KIDINS220: variants seen among roughly 807,000 people sequenced by gnomAD.
KIDINS220 encodes kinase D-interacting substrate of 220 kDa.
A neutral mutation model predicts 157.6 loss-of-function variants in KIDINS220; 63 were observed. The observed-to-expected ratio is 0.40, with a 90% CI of 0.33 to 0.49. The LOEUF (loss-of-function observed/expected upper bound fraction) is 0.49, where lower values mean the gene tolerates loss of function less well. KIDINS220 is among the 20% of genes least tolerant of loss of function. The pLI, the probability that KIDINS220 is intolerant of heterozygous loss-of-function variation, is 0.66. For synonymous variants in KIDINS220, 732 were observed against 783.6 expected, an observed-to-expected ratio of 0.93 and a Z score of 1.10; for missense variants, 1,772 against 2,171.2, an observed-to-expected ratio of 0.82 and a Z score of 3.65.
At chr2:8,791,642 C>T (rs1352174895) in intron 12 of KIDINS220, among the ~76,000 whole-genome samples, 1 of 151,790 alleles carries the variant, frequency 6.6e-6, no homozygotes. Context: ...ATTTTAGAAT[C>T]GATAAAATAT....
In KIDINS220 at chr2:8,730,744, T is replaced by C. The variant is rs767013757; in HGVS notation, c.5292A>G (p.Gly1764=). 6.2e-7 allele frequency: 1 copy of C among 1,613,728 alleles called. No homozygotes were observed. The highest frequency in any genetic ancestry group is 1.1e-5 in the South Asian group (1 of 91,022). Residue 1764 remains glycine, a synonymous_variant, in exon 30 of 30, where the codon GGA becomes GGG. Transcript: ENST00000256707. ...AAASSESTGF[G]EERESIL Reference sequence around the variant, plus strand: ...CTCAAAGAATGCTTTCTCTTTCTTCTCCAAAGCCTGTGCTCTCAGAAGAGG... The same window carrying C: ...CTCAAAGAATGCTTTCTCTTTCTTCCCCAAAGCCTGTGCTCTCAGAAGAGG...
intron 17 of KIDINS220, among the ~76,000 whole-genome samples, chr2:8,781,158 ATAT>A (rs1241879102): frequency 2.9e-5 from 4 of 137,228 alleles, no homozygotes; most frequent in African/African-American, 1.1e-4. Flanking sequence ...TATATAATAT[ATAT>A]ATATTAAAGG....
chr2:8,837,493 C>A lies in KIDINS220; in HGVS notation c.-50G>T, dbSNP rs943277598. Reference sequence around the variant, plus strand: ...CGGTCTCCCAACCTGGTCCTCAGCTCCGGCGGAACGGGCCCGCTCGGCTGC... The same window carrying A: ...CGGTCTCCCAACCTGGTCCTCAGCTACGGCGGAACGGGCCCGCTCGGCTGC... On this transcript the variant is annotated 5_prime_UTR_variant, in exon 1 of 30. Transcript: ENST00000256707. 2.2e-4 allele frequency: 34 copies of A among 152,444 alleles called. No homozygotes were observed. The highest frequency in any genetic ancestry group is 8.2e-4 in the African/African-American group (34 of 41,592). The allele number at this position is 152,444 out of a possible 1,614,324, so 9.4% of individuals were successfully genotyped here. A position where few individuals can be genotyped will look rare whatever the true frequency, so the allele number is the denominator to read the frequency against.
Position 8,806,539 on chromosome 2 carries a change from C to CCCATCTA in KIDINS220, c.505-171_505-170insTAGATGG, listed in dbSNP as rs546770431. On this transcript the variant is annotated intron_variant, in intron 6 of 29. Transcript: ENST00000256707. ...ATCCTATTTCTCCCATTTTATTTCT[C>CCCATCTA]CTGAGTAGATTAACCAGTCCATGAA... 1.9e-4 allele frequency among the ~76,000 whole-genome samples: 29 copies of CCCATCTA among 152,246 alleles called. 3 individuals carry two copies. Among genetic ancestry groups the CCCATCTA allele is most frequent in the African/African-American group, 7.0e-4 (29 of 41,540 alleles).
chr2:8,815,396 CA>C (rs70946387), intron 4 of KIDINS220, among the ~76,000 whole-genome samples: 168 of 116,488 alleles, frequency 1.4e-3, no homozygotes, highest in Admixed American at 1.8e-3. Flanking sequence ...GACCCTGTCT[CA>C]AAAAAAAAAA....
At chr2:8,787,181 T>C (rs1001966338) in intron 15 of KIDINS220, among the ~76,000 whole-genome samples, 1 of 152,142 alleles carries the variant, frequency 6.6e-6, no homozygotes, top group Non-Finnish European at 1.5e-5. Context: ...ATTATTTTAT[T>C]CTGTTTTCCT....
At chr2:8,751,384 G>A (rs1558343607) in intron 23 of KIDINS220, 82 bp downstream of exon 23, 2 of 1,211,854 alleles carry the variant, frequency 1.7e-6, no homozygotes, top group Non-Finnish European at 1.2e-6. Flanking sequence ...CATAGAGCAG[G>A]AGAAATGTAC....
rs780676210 is a variant in KIDINS220 at position 8,770,792 on chromosome 2, G to A, written c.2889C>T (p.Asp963=). 3 of 1,611,282 alleles carry A rather than the reference G, an allele frequency of 1.9e-6. No homozygotes were observed. Among genetic ancestry groups the A allele is most frequent in the Non-Finnish European group, 2.5e-6 (3 of 1,178,640 alleles). Residue 963 remains aspartate (D), a synonymous_variant, in exon 22 of 30, where the codon GAC becomes GAT. Coordinates refer to ENST00000256707, the MANE Select transcript of KIDINS220 (RefSeq NM_020738.4). ...LRANQISFNW[D]RLASWINLTE... ...TAAGGTTGATCCAGCTAGCAAGCCT[G>A]TCCCAGTTGAAACTAATCTGATTGG... is the stretch of plus-strand genomic sequence containing the variant.
At chr2:8,836,167 C>T (rs1353218499) in intron 1 of KIDINS220, among the ~76,000 whole-genome samples, 3 of 151,968 alleles carry the variant, frequency 2.0e-5, no homozygotes, top group African/African-American at 7.3e-5. Flanking sequence ...TGACCAGATG[C>T]CCAGCATAGG....
In KIDINS220 at chr2:8,772,472, TCGAAAAAAAA is replaced by T. The variant is rs796522866; in HGVS notation, c.2849-1650_2849-1641del. Among the ~76,000 whole-genome samples the T allele has an allele frequency of 1.5e-4, 22 of 149,108 alleles. 3 individuals carry two copies. Among genetic ancestry groups the T allele is most frequent in the African/African-American group, 5.5e-4 (22 of 40,070 alleles). ...GCCTGGAGGACAGAGCGAGACTATCTCGAAAAAAAACAAAAAAAAGCATGAGTTAATAAAA... is the reference window on the plus strand; with the variant it reads ...GCCTGGAGGACAGAGCGAGACTATCTCAAAAAAAAGCATGAGTTAATAAAA... On this transcript the variant is annotated intron_variant, in intron 21 of 29. Transcript: ENST00000256707.
At chr2:8,815,640 G>A (rs1476067377) in intron 4 of KIDINS220, among the ~76,000 whole-genome samples, 1 of 152,112 alleles carries the variant, frequency 6.6e-6, no homozygotes, top group African/African-American at 2.4e-5. Context: ...CTGTGCTCCA[G>A]ACTGGGCAAC....
In KIDINS220 at chr2:8,730,471, C is replaced by T; in HGVS notation, c.*249G>A. The stretch of plus-strand genomic sequence containing the variant: ...CAAAAAGTTTTATGGGGTAATGCGC[C>T]AATGAAAGGTACAGTAGTATTAGTG... On this transcript the variant is annotated 3_prime_UTR_variant, in exon 30 of 30. Transcript: ENST00000256707. 1.5e-6 allele frequency: 2 copies of T among 1,308,788 alleles called. No homozygotes were observed. The highest frequency in any genetic ancestry group is 1.9e-6 in the Non-Finnish European group (2 of 1,034,284). 81.1% of individuals were successfully genotyped at this position (1,308,788 alleles called of 1,614,324 possible). A position where few individuals can be genotyped will look rare whatever the true frequency, so the allele number is the denominator to read the frequency against.
rs1572392253 is a variant in KIDINS220, at chr2:8,729,357, C to T, written c.*1363G>A. On this transcript the variant is annotated 3_prime_UTR_variant, in exon 30 of 30. Transcript: ENST00000256707. ...AAACATCGAAAATGTAACACTGAAT[C>T]TAGATAATAGCGCATCTGCGATCTC... 19 of 985,358 alleles carry T rather than the reference C, an allele frequency of 1.9e-5. No individual in the cohort carries two copies. The highest frequency in any genetic ancestry group is 2.3e-5 in the Non-Finnish European group (19 of 829,948). 61.0% of individuals were successfully genotyped at this position (985,358 alleles called of 1,614,324 possible). A position where few individuals can be genotyped will look rare whatever the true frequency, so the allele number is the denominator to read the frequency against.
At chr2:8,831,127 T>TA (rs1301260016) in intron 1 of KIDINS220, among the ~76,000 whole-genome samples, 9 of 152,328 alleles carry the variant, frequency 5.9e-5, no homozygotes, top group Non-Finnish European at 1.2e-4. Context: ...TCAAGGAACT[T>TA]ACGCCTTCTA....
At chr2:8,741,303 C>T (rs938196253) in intron 26 of KIDINS220, among the ~76,000 whole-genome samples, 7 of 152,190 alleles carry the variant, frequency 4.6e-5, no homozygotes, top group African/African-American at 1.7e-4. Flanking sequence ...TGTGGTGGCT[C>T]ACACCTGTAA....
chr2:8,805,890 C>G (rs951295595), intron 7 of KIDINS220, among the ~76,000 whole-genome samples: 1 of 152,202 alleles, frequency 6.6e-6, no homozygotes, highest in African/African-American at 2.4e-5. Flanking sequence ...GTAGGCTATA[C>G]CAGCCAGATG....
chr2:8,747,233 A>AAAGGGG (rs1449736571), intron 25 of KIDINS220, 32 bp from the exon 26 acceptor site: 1 of 1,605,780 alleles, frequency 6.2e-7, no homozygotes, highest in African/African-American at 1.3e-5. Context: ...GTGTGGGTGA[A>AAAGGGG]AAGGGGAAGG....
At chr2:8,749,498 T>C in intron 24 of KIDINS220, 1 of 426,640 alleles carries the variant, frequency 2.3e-6, no homozygotes, top group Middle Eastern at 3.4e-4. Flanking sequence ...AGGGCCTGAA[T>C]ACCACTGATA....
At position 8,802,963 on chromosome 2, in the gene KIDINS220, G is replaced by T; in HGVS notation, c.768C>A (p.Leu256=). Reference sequence around the variant, plus strand: ...GTATGTTCACATATGTTCCAGCGTCGAGCAGATCCTGCACAATCTCCGTAT... The same window carrying T: ...GTATGTTCACATATGTTCCAGCGTCTAGCAGATCCTGCACAATCTCCGTAT... ...EGHTEIVQDL[L]DAGTYVNIPD... The change falls in exon 8 of 30, where the codon CTC becomes CTA. Residue 256 remains leucine, a synonymous_variant. Transcript: ENST00000256707. 1.2e-6 allele frequency: 2 copies of T among 1,613,814 alleles called. No individual in the cohort carries two copies. The highest frequency in any genetic ancestry group is 1.7e-6 in the Non-Finnish European group (2 of 1,179,956).
Sources: allele counts gnomAD v4.1 joint callset (sites outside exome capture counted in the v4.1 genomes callset), GRCh38; gene constraint gnomAD v4.1.1; transcripts MANE v1.5; gene names NCBI Gene and HGNC (gene_info 2026-07-23, HGNC 2026-07-21).